The following GRIA4 variants were observed in gnomAD, a reference collection of about 807,000 sequenced individuals.
The protein encoded by GRIA4 is glutamate receptor 4.
Under a neutral mutation model 104.0 loss-of-function variants are expected in GRIA4, and 34 were observed. The ratio of observed to expected loss-of-function variants is 0.33; its 90% CI spans 0.25 to 0.44. The LOEUF (loss-of-function observed/expected upper bound fraction) is 0.44. Among genes scored for constraint, GRIA4 ranks in the 20% least tolerant of loss-of-function variants. The pLI, the probability that GRIA4 is intolerant of heterozygous loss-of-function variation, is 1.00. For synonymous variants in GRIA4, 386 were observed against 381.9 expected (o/e 1.01, Z -0.13); for missense variants, 750 against 1,096.5 (o/e 0.68, Z 4.46).
At position 105,903,973 on chromosome 11, in the gene GRIA4, C is replaced by A; in HGVS notation, c.1045C>A (p.Leu349Ile). 6.3e-7 allele frequency: 1 copy of A among 1,595,026 alleles called. No homozygotes were observed. Among genetic ancestry groups the A allele is most frequent in the Non-Finnish European group, 8.5e-7 (1 of 1,170,312 alleles). The change falls in exon 8 of 17, where the codon CTC becomes ATC. Residue 349 changes from leucine to isoleucine, a missense_variant. Physicochemically the swap from Leu to Ile is conservative, Grantham distance 5 (BLOSUM62 2). Coordinates refer to ENST00000282499, the MANE Select transcript of GRIA4 (RefSeq NM_000829.4). ...WGQGIDMERT[L>I]KQVRIQGLTG... ...CCAGGGAATTGACATGGAGAGGACA[C>A]TCAAACAGGTAACTCACAATTTTAT...
intron 5 of GRIA4, among the ~76,000 whole-genome samples, chr11:105,864,180 T>C (rs377271519): frequency 6.6e-6 from 1 of 152,328 alleles, no homozygotes; most frequent in East Asian, 1.9e-4. Context: ...AATTGTCCTA[T>C]AAAATTTTCC....
chr11:105,800,093 C>G (rs541841561), intron 4 of GRIA4, among the ~76,000 whole-genome samples: 1 of 151,882 alleles, frequency 6.6e-6, no homozygotes, highest in East Asian at 1.9e-4. Context: ...AAAGATAGAA[C>G]AAAAAAAGTA....
At chr11:105,771,929 T>G (rs1941225176) in intron 4 of GRIA4, among the ~76,000 whole-genome samples, 1 of 152,122 alleles carries the variant, frequency 6.6e-6, no homozygotes, top group Middle Eastern at 3.4e-3. Flanking sequence ...GTATCAAAAC[T>G]TACACACACA....
chr11:105,643,854 G>C (rs1951442891), intron 3 of GRIA4, among the ~76,000 whole-genome samples: 1 of 152,120 alleles, frequency 6.6e-6, no homozygotes, highest in South Asian at 2.1e-4. Flanking sequence ...CAGTAGCTGG[G>C]ACTACAGGCA....
chr11:105,735,109 T>C (rs181350969), intron 3 of GRIA4, among the ~76,000 whole-genome samples: 10 of 152,264 alleles, frequency 6.6e-5, no homozygotes, highest in Admixed American at 2.6e-4. Flanking sequence ...TCAGCATATA[T>C]ACACTGAGCT....
intron 3 of GRIA4, among the ~76,000 whole-genome samples, chr11:105,699,993 T>C (rs1953426842): frequency 6.6e-6 from 1 of 152,216 alleles, no homozygotes; most frequent in Non-Finnish European, 1.5e-5. Flanking sequence ...CCTGGAACAG[T>C]GCCTAGATCC....
At chr11:105,916,209 A>T (rs1947399693) in intron 10 of GRIA4, among the ~76,000 whole-genome samples, 1 of 152,058 alleles carries the variant, frequency 6.6e-6, no homozygotes, top group Admixed American at 6.6e-5. Context: ...ACAAAACAAA[A>T]TATCAAAATA....
intron 3 of GRIA4, among the ~76,000 whole-genome samples, chr11:105,671,579 G>C (rs1952368283): frequency 6.7e-6 from 1 of 148,666 alleles, no homozygotes; most frequent in South Asian, 2.1e-4. Flanking sequence ...TTGGGAGGCT[G>C]AGGCAGGAGA....
intron 9 of GRIA4, among the ~76,000 whole-genome samples, chr11:105,905,854 G>A (rs1473669250): frequency 2.0e-5 from 3 of 152,156 alleles, no homozygotes; most frequent in African/African-American, 7.2e-5. Flanking sequence ...TAGGTTCCTG[G>A]ATTTGGGAAG....
intron 5 of GRIA4, among the ~76,000 whole-genome samples, chr11:105,873,075 G>GC (rs959596887): frequency 1.3e-5 from 2 of 151,806 alleles, no homozygotes; most frequent in African/African-American, 4.8e-5. Context: ...TCCTCCACTA[G>GC]CCCCCCACTC....
At chr11:105,794,467 A>ATG (rs1169501029) in intron 4 of GRIA4, among the ~76,000 whole-genome samples, 621 of 38,694 alleles carry the variant, frequency 0.016, 28 homozygotes, top group African/African-American at 0.081. Flanking sequence ...GTGTGTGTAT[A>ATG]TGTATGTATA....
chr11:105,811,145 T>A (rs1943156466), intron 4 of GRIA4, among the ~76,000 whole-genome samples: 1 of 152,102 alleles, frequency 6.6e-6, no homozygotes, highest in Non-Finnish European at 1.5e-5. Context: ...ATTCTTTATG[T>A]AGTTAGAGGA....
At chr11:105,836,216 A>G (rs1288473679) in intron 4 of GRIA4, among the ~76,000 whole-genome samples, 1 of 152,062 alleles carries the variant, frequency 6.6e-6, no homozygotes, top group Non-Finnish European at 1.5e-5. Flanking sequence ...CCAATCATAG[A>G]ACAGGAAGAT....
intron 4 of GRIA4, among the ~76,000 whole-genome samples, chr11:105,825,273 G>A (rs920116839): frequency 3.9e-5 from 6 of 152,006 alleles, no homozygotes; most frequent in Non-Finnish European, 5.9e-5. Context: ...CACTTCATAT[G>A]TACAGCTGCA....
At chr11:105,957,476 G>A (rs1302223836) in intron 14 of GRIA4, among the ~76,000 whole-genome samples, 6 of 152,254 alleles carry the variant, frequency 3.9e-5, no homozygotes, top group African/African-American at 1.2e-4. Context: ...CTATATCTCC[G>A]TTTTGGTACC....
At chr11:105,944,339 T>A (rs1011393627) in intron 14 of GRIA4, among the ~76,000 whole-genome samples, 1 of 152,176 alleles carries the variant, frequency 6.6e-6, no homozygotes, top group Non-Finnish European at 1.5e-5. Flanking sequence ...CAAAGTTAAA[T>A]AACAATAGCA....
chr11:105,645,071 G>A (rs184286091), intron 3 of GRIA4, among the ~76,000 whole-genome samples: 43 of 152,196 alleles, frequency 2.8e-4, no homozygotes, highest in East Asian at 1.4e-3. Context: ...CTGAAGAGGC[G>A]CAATACGACC....
intron 4 of GRIA4, among the ~76,000 whole-genome samples, chr11:105,842,590 T>A (rs182622418): frequency 6.6e-6 from 1 of 152,132 alleles, no homozygotes; most frequent in South Asian, 2.1e-4. Context: ...GAACCACTTT[T>A]CACATTGCTC....
At chr11:105,630,477 T>A (rs1168496049) in intron 3 of GRIA4, among the ~76,000 whole-genome samples, 4 of 152,062 alleles carry the variant, frequency 2.6e-5, no homozygotes, top group Admixed American at 1.3e-4. Context: ...GACAGGAGAA[T>A]CGCTTGAACC....
Sources: gnomAD v4.1 joint callset for allele counts (sites outside exome capture counted in the v4.1 genomes callset) on GRCh38, gnomAD v4.1.1 for gene constraint, MANE v1.5 for transcripts, NCBI Gene and HGNC (gene_info 2026-07-23, HGNC 2026-07-21) for gene names.